CNOT6: variants seen among roughly 807,000 people sequenced by gnomAD.
CNOT6 encodes the protein CCR4-NOT transcription complex subunit 6.
In CNOT6, 12 loss-of-function variants were observed where a neutral mutation model predicts 61.2. That is an observed-to-expected ratio of 0.20 (90% CI 0.13 to 0.32). The LOEUF is 0.32. Among genes scored for constraint, CNOT6 ranks in the 10% least tolerant of loss-of-function variants. The probability of loss-of-function intolerance (pLI) is 1.00; values close to 1 mark genes in which losing one functional copy is unlikely to be tolerated. For missense variants in CNOT6, 405 were observed against 663.9 expected (o/e 0.61, Z 4.28); for synonymous variants, 225 against 240.6 (o/e 0.94, Z 0.60).
At chr5:180,543,912 G>A (rs1439605143) in intron 2 of CNOT6, among the ~76,000 whole-genome samples, 1 of 152,020 alleles carries the variant, frequency 6.6e-6, no homozygotes, top group African/African-American at 2.4e-5. Context: ...CCAGGTTCAC[G>A]CCATTCTCCT....
At chr5:180,505,196 G>A (rs1039823602) in intron 1 of CNOT6, among the ~76,000 whole-genome samples, 3 of 145,314 alleles carry the variant, frequency 2.1e-5, no homozygotes, top group Non-Finnish European at 3.0e-5. Context: ...TCCTGACCTC[G>A]TGATCCACCC....
intron 2 of CNOT6, among the ~76,000 whole-genome samples, chr5:180,543,960 G>A (rs1435047216): frequency 6.6e-6 from 1 of 151,978 alleles, no homozygotes; most frequent in Non-Finnish European, 1.5e-5. Context: ...ACAGGCGCCC[G>A]CCACCACGCC....
In CNOT6 at chr5:180,550,079, T is replaced by C. The variant is rs1167867732; in HGVS notation, c.261T>C (p.Arg87=). 2 of 1,614,108 alleles carry C rather than the reference T, an allele frequency of 1.2e-6. No individual in the cohort carries two copies. The highest frequency in any genetic ancestry group is 8.5e-7 in the Non-Finnish European group (1 of 1,179,986). ...VYLDLSSNKI[R]SLPAELGNMV... Reference sequence around the variant, plus strand: ...TGGACCTGTCATCTAATAAAATTCGTAGCTTACCCGCAGAACTCGGAAACA... The same window carrying C: ...TGGACCTGTCATCTAATAAAATTCGCAGCTTACCCGCAGAACTCGGAAACA... Residue 87 remains arginine, a synonymous_variant, in exon 3 of 12, where the codon CGT becomes CGC. Transcript: ENST00000261951.
intron 2 of CNOT6, among the ~76,000 whole-genome samples, chr5:180,540,022 T>G (rs1355327052): frequency 1.3e-5 from 2 of 152,218 alleles, no homozygotes; most frequent in Non-Finnish European, 2.9e-5. Context: ...TCTGAGACTT[T>G]CTGGTTCTGT....
intron 1 of CNOT6, among the ~76,000 whole-genome samples, chr5:180,506,962 A>G (rs1757158118): frequency 6.6e-6 from 1 of 152,226 alleles, no homozygotes; most frequent in African/African-American, 2.4e-5. Flanking sequence ...GGCAGGTTTA[A>G]TGAATACAAC....
chr5:180,555,740 G>A (rs773443671), intron 4 of CNOT6, among the ~76,000 whole-genome samples: 2 of 152,112 alleles, frequency 1.3e-5, no homozygotes, highest in Non-Finnish European at 2.9e-5. Context: ...CCCGGCATCC[G>A]CTTGGAAGAG....
At chr5:180,556,905 G>A (rs1759924480) in intron 4 of CNOT6, among the ~76,000 whole-genome samples, 1 of 151,464 alleles carries the variant, frequency 6.6e-6, no homozygotes, top group Non-Finnish European at 1.5e-5. Flanking sequence ...GCAGTGAGCC[G>A]AGATCGTGCC....
chr5:180,572,441 T>C (rs1196401471), intron 11 of CNOT6, among the ~76,000 whole-genome samples: 1 of 151,892 alleles, frequency 6.6e-6, no homozygotes, highest in East Asian at 1.9e-4. Context: ...CCACCCACCT[T>C]GGCCTCCCAA....
chr5:180,525,809 G>A (rs1758073630), intron 1 of CNOT6, among the ~76,000 whole-genome samples: 1 of 152,148 alleles, frequency 6.6e-6, no homozygotes, highest in African/African-American at 2.4e-5. Flanking sequence ...AAGCCAAGCA[G>A]TGTGTTTCTA....
At chr5:180,558,388 G>A (rs550907580) in intron 4 of CNOT6, among the ~76,000 whole-genome samples, 1 of 152,226 alleles carries the variant, frequency 6.6e-6, no homozygotes, top group East Asian at 1.9e-4. Context: ...GAGACCTTGG[G>A]CGGTTAGGGC....
At chr5:180,528,654 T>A (rs1475087376) in intron 1 of CNOT6, among the ~76,000 whole-genome samples, 1 of 152,190 alleles carries the variant, frequency 6.6e-6, no homozygotes, top group African/African-American at 2.4e-5. Context: ...CTGAGTTTTT[T>A]GATTTTTAGA....
At chr5:180,571,654 C>T (rs1275667380) in intron 11 of CNOT6, among the ~76,000 whole-genome samples, 1 of 152,152 alleles carries the variant, frequency 6.6e-6, no homozygotes, top group South Asian at 2.1e-4. Context: ...CAGCTTCAAC[C>T]ATGCCGGCTC....
intron 1 of CNOT6, among the ~76,000 whole-genome samples, chr5:180,498,758 A>G (rs564335282): frequency 6.6e-6 from 1 of 152,332 alleles, no homozygotes; most frequent in East Asian, 1.9e-4. Context: ...TGGAGGCCCT[A>G]CAAGTGTATA....
At chr5:180,533,311 C>CATATAT (rs1305701783) in intron 2 of CNOT6, among the ~76,000 whole-genome samples, 1,088 of 65,144 alleles carry the variant, frequency 0.017, 9 homozygotes, top group South Asian at 0.03. Flanking sequence ...TGGATGAAAA[C>CATATAT]CTATATATAT....
At chr5:180,512,789 G>A (rs141163290) in intron 1 of CNOT6, among the ~76,000 whole-genome samples, 2,831 of 152,102 alleles carry the variant, frequency 0.019, 98 homozygotes, top group African/African-American at 0.066. Flanking sequence ...GTAGAGACAG[G>A]GTTTCTCCAT....
At chr5:180,540,349 A>G (rs1009722960) in intron 2 of CNOT6, among the ~76,000 whole-genome samples, 3 of 152,210 alleles carry the variant, frequency 2.0e-5, no homozygotes, top group African/African-American at 7.2e-5. Flanking sequence ...TGATATGATT[A>G]GGGTCAAATA....
intron 1 of CNOT6, among the ~76,000 whole-genome samples, chr5:180,501,269 A>C (rs1399841037): frequency 6.6e-6 from 1 of 152,230 alleles, no homozygotes; most frequent in Non-Finnish European, 1.5e-5. Flanking sequence ...AGAAAAGCAC[A>C]GGATACCAGA....
chr5:180,577,600 TTACA>T lies in CNOT6; in HGVS notation c.*3406_*3409del, dbSNP rs1320749755. On this transcript the variant is annotated 3_prime_UTR_variant, in exon 12 of 12. Transcript: ENST00000261951. ...ATGTTCACTTTGCTCTTCTTTTTGG[TTACA>T]TACATTTTAATAACTGGTATGTTGA... 2 of 152,672 alleles carry T rather than the reference TTACA, an allele frequency of 1.3e-5. No homozygotes were observed. The highest frequency in any genetic ancestry group is 4.8e-5 in the African/African-American group (2 of 41,456). The allele number at this position is 152,672 out of a possible 1,614,324, so 9.5% of individuals were successfully genotyped here.
chr5:180,528,270 G>C (rs1002549544), intron 1 of CNOT6, among the ~76,000 whole-genome samples: 4 of 152,122 alleles, frequency 2.6e-5, no homozygotes, highest in African/African-American at 9.7e-5. Context: ...CCTAGTTTCT[G>C]CCAGAAATGC....
Sources: gnomAD v4.1 joint callset for allele counts (sites outside exome capture counted in the v4.1 genomes callset) on GRCh38, gnomAD v4.1.1 for gene constraint, MANE v1.5 for transcripts, NCBI Gene and HGNC (gene_info 2026-07-23, HGNC 2026-07-21) for gene names.